The following CAPS2 variants were observed in gnomAD, a reference collection of about 807,000 sequenced individuals.
The protein encoded by CAPS2 is calcyphosin-2.
Under a neutral mutation model 86.5 loss-of-function variants are expected in CAPS2, and 98 were observed. That is an observed-to-expected ratio of 1.13 (90% CI 0.96 to 1.34). CAPS2 has a LOEUF of 1.34. Ranked by LOEUF, CAPS2 falls within the 40% of genes most tolerant of loss-of-function variation. The probability of loss-of-function intolerance (pLI) is 0.00; values close to 1 mark genes in which losing one functional copy is unlikely to be tolerated. For missense variants in CAPS2, 729 were observed against 686.8 expected (o/e 1.06, Z -0.69); for synonymous variants, 210 against 225.1 (o/e 0.93, Z 0.60).
At chr12:75,311,736 A>C (rs2039241377) in intron 7 of CAPS2, among the ~76,000 whole-genome samples, 1 of 130,644 alleles carries the variant, frequency 7.7e-6, no homozygotes, top group Non-Finnish European at 1.7e-5. Context: ...AAAAAAAAAA[A>C]AAAAACCTGC....
At chr12:75,355,359 A>C (rs1277226752) in intron 1 of CAPS2, among the ~76,000 whole-genome samples, 1 of 152,222 alleles carries the variant, frequency 6.6e-6, no homozygotes, top group Non-Finnish European at 1.5e-5. Context: ...CAGCCAACGA[A>C]CTATAAAACA....
At chr12:75,342,962 G>GT (rs1335580584) in intron 1 of CAPS2, among the ~76,000 whole-genome samples, 1 of 115,784 alleles carries the variant, frequency 8.6e-6, no homozygotes, top group African/African-American at 3.1e-5. Context: ...ATATATAATA[G>GT]ATTTTGCATA....
At chr12:75,305,576 C>G (rs1361117471) in intron 7 of CAPS2, 10 of 630,774 alleles carry the variant, frequency 1.6e-5, no homozygotes, top group Non-Finnish European at 3.0e-5. Flanking sequence ...CCGCAGAGCC[C>G]TCCTCCAGAC....
intron 1 of CAPS2, among the ~76,000 whole-genome samples, chr12:75,338,088 A>G (rs1368470130): frequency 6.6e-6 from 1 of 152,186 alleles, no homozygotes; most frequent in Non-Finnish European, 1.5e-5. Context: ...TGAAACTGAA[A>G]GAGAAAACCT....
rs1593518712 is a variant in CAPS2 at position 75,321,015 on chromosome 12, A to T, written c.468+385T>A. Among the ~76,000 whole-genome samples the T allele has an allele frequency of 2.0e-5, 3 of 152,070 alleles. No individual in the cohort carries two copies. In the South Asian group the frequency reaches 6.2e-4, roughly 31 times the overall value. On this transcript the variant is annotated intron_variant, in intron 5 of 16. Transcript: ENST00000393284. Reference sequence around the variant, plus strand: ...TTTTTGCACAAACCAGGATCACCATAAAGTCTCAAATCACTTATCAATTTT... The same window carrying T: ...TTTTTGCACAAACCAGGATCACCATTAAGTCTCAAATCACTTATCAATTTT...
intron 8 of CAPS2, among the ~76,000 whole-genome samples, chr12:75,302,682 A>C (rs1422926656): frequency 1.3e-5 from 2 of 152,244 alleles, no homozygotes; most frequent in African/African-American, 4.8e-5. Context: ...CATGTAAATA[A>C]GATCCACAAA....
chr12:75,292,676 A>C (rs896565683), intron 12 of CAPS2, among the ~76,000 whole-genome samples: 17 of 147,310 alleles, frequency 1.2e-4, no homozygotes, highest in African/African-American at 3.7e-4. Context: ...ATGTAATATA[A>C]TCTATAATAC....
chr12:75,344,537 TGA>T (rs1415213430), intron 1 of CAPS2, among the ~76,000 whole-genome samples: 4 of 152,114 alleles, frequency 2.6e-5, no homozygotes, highest in African/African-American at 9.7e-5. Flanking sequence ...TTTAAGCATA[TGA>T]GATAGAGTTG....
intron 1 of CAPS2, among the ~76,000 whole-genome samples, chr12:75,384,367 C>A (rs1593952557): frequency 6.6e-6 from 1 of 152,140 alleles, no homozygotes; most frequent in South Asian, 2.1e-4. Context: ...CTGAGCAACA[C>A]TGTGAACAAC....
At chr12:75,280,595 T>C (rs879224658) in intron 16 of CAPS2, among the ~76,000 whole-genome samples, 4 of 152,050 alleles carry the variant, frequency 2.6e-5, no homozygotes, top group Admixed American at 2.6e-4. Context: ...AACTATTTCG[T>C]TCTTATATTT....
chr12:75,304,684 A>T, intron 8 of CAPS2, 73 bp downstream of exon 8: 2 of 1,135,936 alleles, frequency 1.8e-6, no homozygotes, highest in East Asian at 5.3e-5. Flanking sequence ...CTCCAGCTAG[A>T]CACAGAAGTA....
intron 1 of CAPS2, among the ~76,000 whole-genome samples, chr12:75,372,696 A>G (rs1431070751): frequency 6.6e-6 from 1 of 152,140 alleles, no homozygotes; most frequent in East Asian, 1.9e-4. Context: ...CCAGCTCTGT[A>G]AAGTATTGTC....
At position 75,282,131 on chromosome 12, in the gene CAPS2, C is replaced by G. The variant is rs923553452; in HGVS notation, c.1612+120G>C. ...GCAAATAGTTCATAAGTTTCCAGTT[C>G]AAAAAAATAGTTTATTTCCTCCCTA... On this transcript the variant is annotated intron_variant, in intron 16 of 16. Coordinates refer to ENST00000393284, the Ensembl canonical transcript of CAPS2. 16 of 666,968 alleles carry G rather than the reference C, an allele frequency of 2.4e-5. No homozygotes were observed. In the Middle Eastern group the frequency reaches 1.3e-3, roughly 53 times the overall value. The allele number at this position is 666,968 out of a possible 1,614,324, so 41.3% of individuals were successfully genotyped here. A position where few individuals can be genotyped will look rare whatever the true frequency, so the allele number is the denominator to read the frequency against.
At chr12:75,282,280 C>A in exon 16 of CAPS2, 2 of 1,601,896 alleles carry the variant, frequency 1.2e-6, no homozygotes, top group African/African-American at 1.3e-5. Flanking sequence ...CTTCTTTGCA[C>A]AGTAACATTT....
intron 1 of CAPS2, among the ~76,000 whole-genome samples, chr12:75,337,648 C>G (rs1468729003): frequency 1.3e-5 from 2 of 151,906 alleles, no homozygotes; most frequent in Non-Finnish European, 2.9e-5. Flanking sequence ...GTCAGTGAAA[C>G]TACCTACCTC....
At chr12:75,334,863 T>TTGG, upstream of CAPS2, 1 of 1,614,116 alleles carries the variant, frequency 6.2e-7, no homozygotes, top group Non-Finnish European at 8.5e-7. Flanking sequence ...ACGAATGGCG[T>TTGG]GGCAAAGTCA....
At chr12:75,385,136 G>A (rs967537287) in intron 1 of CAPS2, among the ~76,000 whole-genome samples, 6 of 152,190 alleles carry the variant, frequency 3.9e-5, no homozygotes, top group Non-Finnish European at 7.3e-5. Flanking sequence ...GTTCTCAACA[G>A]CAAGAAGGTA....
intron 7 of CAPS2, among the ~76,000 whole-genome samples, chr12:75,307,594 G>A (rs184531596): frequency 3.3e-4 from 50 of 152,168 alleles, no homozygotes; most frequent in African/African-American, 1.0e-3. Context: ...AAATATTTAA[G>A]GTTATGGATA....
At chr12:75,306,539 G>A (rs1413725012) in intron 7 of CAPS2, among the ~76,000 whole-genome samples, 1 of 152,166 alleles carries the variant, frequency 6.6e-6, no homozygotes, top group East Asian at 1.9e-4. Flanking sequence ...GTAGTGTTTA[G>A]GACATACGCA....
Sources: allele counts gnomAD v4.1 joint callset (sites outside exome capture counted in the v4.1 genomes callset), GRCh38; gene constraint gnomAD v4.1.1; transcripts MANE v1.5; gene names NCBI Gene and HGNC (gene_info 2026-07-23, HGNC 2026-07-21).